The following C1orf94 variants were observed in gnomAD, a reference collection of about 807,000 sequenced individuals.
C1orf94 encodes uncharacterized protein C1orf94.
In C1orf94, 45 loss-of-function variants were observed where a neutral mutation model predicts 53.6. That is an observed-to-expected ratio of 0.84 (90% confidence interval 0.66 to 1.08). The LOEUF is 1.08. Ranked by LOEUF, C1orf94 falls within the 50% of genes least tolerant of loss-of-function variation. The probability of loss-of-function intolerance (pLI) is 0.00; values close to 1 mark genes in which losing one functional copy is unlikely to be tolerated. For synonymous variants in C1orf94, 304 were observed against 296.1 expected (o/e 1.03, Z -0.27); for missense variants, 762 against 738.9 (o/e 1.03, Z -0.36).
chr1:34,200,877 A>C lies in C1orf94; in HGVS notation c.1115A>C (p.Asp372Ala), dbSNP rs376238971. Residue 372 changes from aspartate to alanine, a missense_variant, in exon 3 of 7, where the codon GAC becomes GCC. Asp to Ala is a moderately radical substitution (Grantham distance 126). Transcript: ENST00000488417. ...KDACGEEGCC[D>A]AVGTASLTLP... The stretch of plus-strand genomic sequence containing the variant: ...GCCTGTGGTGAGGAGGGTTGCTGTG[A>C]CGCAGTGGGCACCGCATCACTGACC... 3.0e-5 allele frequency: 48 copies of C among 1,614,170 alleles called. No homozygotes were observed. Among genetic ancestry groups the C allele is most frequent in the Non-Finnish European group, 4.0e-5 (47 of 1,180,042 alleles).
chr1:34,202,070 C>G lies in C1orf94; in HGVS notation c.1271-14C>G, dbSNP rs770963089. ...TCCATCACTGACCCGCTTTGCCTCT[C>G]CTGTGACTTGCAGTTAACGCACCTG... On this transcript the variant is annotated splice_polypyrimidine_tract_variant and intron_variant, in intron 3 of 6. Coordinates refer to ENST00000488417, the MANE Select transcript of C1orf94 (RefSeq NM_001134734.2). 3 of 1,611,044 alleles carry G rather than the reference C, an allele frequency of 1.9e-6. No homozygotes were observed. Among genetic ancestry groups the G allele is most frequent in the Non-Finnish European group, 2.5e-6 (3 of 1,178,470 alleles).
rs567683698 is a variant in C1orf94, at chr1:34,215,967, T to C, written c.1722-2719T>C. 7.2e-4 allele frequency among the ~76,000 whole-genome samples: 109 copies of C among 152,202 alleles called. 2 individuals carry two copies. The Middle Eastern group carries it at 0.034, about 47-fold the overall frequency. ...GTTGCAGTGAGCCGAGATCATGCCA[T>C]TGTATTCCAGCCTGGGTGACAGAGC... On this transcript the variant is annotated intron_variant, in intron 6 of 6. Transcript: ENST00000488417.
chr1:34,192,408 AT>A (rs1173701664), intron 1 of C1orf94, among the ~76,000 whole-genome samples: 3 of 152,148 alleles, frequency 2.0e-5, no homozygotes, highest in Non-Finnish European at 4.4e-5. Flanking sequence ...CAGAGATGGG[AT>A]GTGAGATGAA....
chr1:34,171,222 C>T (rs1195187064), intron 1 of C1orf94, among the ~76,000 whole-genome samples: 1 of 152,182 alleles, frequency 6.6e-6, no homozygotes, highest in Non-Finnish European at 1.5e-5. Flanking sequence ...CATTCTGACA[C>T]CCTTGCACTC....
At chr1:34,210,031 A>T (rs1004203129) in intron 5 of C1orf94, among the ~76,000 whole-genome samples, 1 of 152,164 alleles carries the variant, frequency 6.6e-6, no homozygotes, top group Admixed American at 6.5e-5. Context: ...ACACTGTTCC[A>T]TTGCTTTTGT....
intron 2 of C1orf94, 109 bp downstream of exon 2, chr1:34,198,022 A>C: frequency 8.5e-7 from 1 of 1,181,038 alleles, no homozygotes; most frequent in Non-Finnish European, 1.2e-6. Context: ...GCAAAGCAAG[A>C]CAAAGCAGCC....
chr1:34,170,851 T>C (rs948735428), intron 1 of C1orf94, among the ~76,000 whole-genome samples: 26 of 152,052 alleles, frequency 1.7e-4, no homozygotes, highest in African/African-American at 6.3e-4. Context: ...TGGACTCCCA[T>C]CTTGCCCAGT....
intron 1 of C1orf94, among the ~76,000 whole-genome samples, chr1:34,169,906 G>A (rs1187105528): frequency 6.6e-6 from 1 of 152,252 alleles, no homozygotes; most frequent in Non-Finnish European, 1.5e-5. Context: ...ACACCAAGGT[G>A]AGGCTGTGGG....
At chr1:34,172,090 G>A (rs1642153371), upstream of C1orf94, among the ~76,000 whole-genome samples, 1 of 152,200 alleles carries the variant, frequency 6.6e-6, no homozygotes, top group South Asian at 2.1e-4. Context: ...GGAAGGAAGG[G>A]CAAAATATAA....
intron 1 of C1orf94, among the ~76,000 whole-genome samples, chr1:34,186,297 G>A (rs187625747): frequency 6.6e-6 from 1 of 152,280 alleles, no homozygotes; most frequent in Admixed American, 6.5e-5. Flanking sequence ...TATTTCAAGG[G>A]ATTACTATGG....
intron 1 of C1orf94, among the ~76,000 whole-genome samples, chr1:34,194,664 C>T (rs1642551616): frequency 6.6e-6 from 1 of 152,200 alleles, no homozygotes; most frequent in Non-Finnish European, 1.5e-5. Flanking sequence ...TCTTTTCCCT[C>T]CTCCTGCTGG....
At chr1:34,217,226 C>T (rs1416267136) in intron 6 of C1orf94, among the ~76,000 whole-genome samples, 1 of 152,218 alleles carries the variant, frequency 6.6e-6, no homozygotes, top group Non-Finnish European at 1.5e-5. Flanking sequence ...CTCGTCCACA[C>T]AGATTGCTCC....
intron 6 of C1orf94, among the ~76,000 whole-genome samples, chr1:34,216,051 A>T (rs1467304106): frequency 6.6e-6 from 1 of 152,078 alleles, no homozygotes; most frequent in Non-Finnish European, 1.5e-5. Context: ...AAAACAAAAA[A>T]TGACCAAGGT....
intron 2 of C1orf94, among the ~76,000 whole-genome samples, chr1:34,198,714 G>A (rs1472731458): frequency 1.3e-5 from 2 of 152,208 alleles, no homozygotes; most frequent in Non-Finnish European, 2.9e-5. Context: ...TATTGGGAGG[G>A]TCCAAATTAA....
chr1:34,183,804 C>T (rs1287850875), intron 1 of C1orf94, among the ~76,000 whole-genome samples: 1 of 150,544 alleles, frequency 6.6e-6, no homozygotes, highest in Non-Finnish European at 1.5e-5. Flanking sequence ...TGCAGTGAGC[C>T]GAGATTGTGC....
chr1:34,185,632 C>T (rs1642373810), intron 1 of C1orf94, among the ~76,000 whole-genome samples: 1 of 152,226 alleles, frequency 6.6e-6, no homozygotes, highest in South Asian at 2.1e-4. Flanking sequence ...AGTCCCCCTT[C>T]ATGATGGCCT....
At chr1:34,175,983 A>G (rs1430348710), upstream of C1orf94, among the ~76,000 whole-genome samples, 3 of 152,008 alleles carry the variant, frequency 2.0e-5, no homozygotes, top group African/African-American at 7.2e-5. Flanking sequence ...TGCATCTGTA[A>G]TTATTGCTGC....
In C1orf94 at chr1:34,211,622, C is replaced by T. The variant is rs144981741; in HGVS notation, c.1525-588C>T. Among the ~76,000 whole-genome samples, 6 of 152,286 alleles carry T rather than the reference C, an allele frequency of 3.9e-5. 1 individual carries two copies. The highest frequency in any genetic ancestry group is 1.4e-4 in the African/African-American group (6 of 41,540). ...ATAATTCAAAACTCAGTTCCTCATG[C>T]CCATGAGCCACATTTCAAATGCTCA... On this transcript the variant is annotated intron_variant, in intron 5 of 6. Coordinates refer to ENST00000488417, the MANE Select transcript of C1orf94 (RefSeq NM_001134734.2).
chr1:34,198,296 G>A (rs1400006363), intron 2 of C1orf94, among the ~76,000 whole-genome samples: 1 of 152,226 alleles, frequency 6.6e-6, no homozygotes, highest in Non-Finnish European at 1.5e-5. Context: ...ATGTATAGAA[G>A]AGAAATTTGA....
Sources: allele counts gnomAD v4.1 joint callset (sites outside exome capture counted in the v4.1 genomes callset), GRCh38; gene constraint gnomAD v4.1.1; transcripts MANE v1.5; gene names NCBI Gene and HGNC (gene_info 2026-07-23, HGNC 2026-07-21).